The following PRRG4 variants were observed in gnomAD, a reference collection of about 807,000 sequenced individuals.
The protein encoded by PRRG4 is proline rich and Gla domain 4.
A neutral mutation model predicts 20.0 loss-of-function variants in PRRG4; 12 were observed. That is an observed-to-expected ratio of 0.60 (90% CI 0.38 to 0.97). The LOEUF (loss-of-function observed/expected upper bound fraction) is 0.97. Among genes scored for constraint, PRRG4 ranks in the 50% least tolerant of loss-of-function variants. The probability of loss-of-function intolerance (pLI) is 0.00; values close to 1 mark genes in which losing one functional copy is unlikely to be tolerated. For synonymous variants in PRRG4, 94 were observed against 96.4 expected, an observed-to-expected ratio of 0.98 and a Z score of 0.15; for missense variants, 199 against 265.1, an observed-to-expected ratio of 0.75 and a Z score of 1.73.
chr11:32,849,340 G>A (rs1038500702), intron 5 of PRRG4, among the ~76,000 whole-genome samples: 3 of 151,824 alleles, frequency 2.0e-5, no homozygotes, highest in Non-Finnish European at 4.4e-5. Context: ...AGCCTGGGTG[G>A]CAGAGCAAGA....
At position 32,856,732 on chromosome 11, in the gene PRRG4, A is replaced by G. The variant is rs1320543792; in HGVS notation, c.*3205A>G. The G allele has an allele frequency of 6.6e-6, 1 of 152,262 alleles. No individual in the cohort carries two copies. Among genetic ancestry groups the G allele is most frequent in the Non-Finnish European group, 1.5e-5 (1 of 68,042 alleles). The allele number at this position is 152,262 out of a possible 1,614,324, so 9.4% of individuals were successfully genotyped here. On this transcript the variant is annotated 3_prime_UTR_variant, in exon 6 of 6. Coordinates refer to ENST00000257836, the MANE Select transcript of PRRG4 (RefSeq NM_024081.6). ...ATTGAAAAGACAAATACACATTTACAAGGTCATACCTTTGGTAGGACAGAC... is the reference window on the plus strand; with the variant it reads ...ATTGAAAAGACAAATACACATTTACGAGGTCATACCTTTGGTAGGACAGAC...
At chr11:32,830,759 T>C in intron 2 of PRRG4, 127 bp downstream of exon 2, 1 of 1,425,254 alleles carries the variant, frequency 7.0e-7, no homozygotes. Context: ...GTTTAATTTG[T>C]GGCATATTTG....
Position 32,840,189 on chromosome 11 carries a change from A to G in PRRG4, c.399A>G (p.Leu133=). Residue 133 remains leucine (L), a synonymous_variant, in exon 5 of 6, where the codon TTA becomes TTG. Coordinates refer to ENST00000257836, the MANE Select transcript of PRRG4 (RefSeq NM_024081.6). This position sits in a 1 kb window ranked among gnomAD's most constrained non-coding sequence, Gnocchi z 4.1. ...AAGVFLVIFG[L]LGYYLCITKC... The stretch of plus-strand genomic sequence containing the variant: ...GAGTATTTTTGGTTATTTTTGGATT[A>G]CTTGGCTACTATCTTTGTATCACTA... 1 of 1,608,112 alleles carries G rather than the reference A, an allele frequency of 6.2e-7. No individual in the cohort carries two copies. Among genetic ancestry groups the G allele is most frequent in the Non-Finnish European group, 8.5e-7 (1 of 1,174,952 alleles).
chr11:32,844,563 T>C (rs1851110404), intron 5 of PRRG4, among the ~76,000 whole-genome samples: 1 of 151,636 alleles, frequency 6.6e-6, no homozygotes, highest in Non-Finnish European at 1.5e-5. Context: ...TACAGTGGCA[T>C]GATCTCGGCT....
chr11:32,835,223 T>C (rs574240770), intron 2 of PRRG4, among the ~76,000 whole-genome samples: 2 of 152,338 alleles, frequency 1.3e-5, no homozygotes, highest in East Asian at 3.9e-4. Context: ...GGAAAAAATA[T>C]CTTGGACAAA....
intron 5 of PRRG4, among the ~76,000 whole-genome samples, chr11:32,850,294 T>C (rs1851170390): frequency 6.6e-6 from 1 of 152,206 alleles, no homozygotes; most frequent in Admixed American, 6.5e-5. Flanking sequence ...TTTACCTTTT[T>C]TTTCCCCTGA....
At chr11:32,829,800 C>A, upstream of PRRG4, 1 of 985,418 alleles carries the variant, frequency 1.0e-6, no homozygotes, top group Non-Finnish European at 1.2e-6. Flanking sequence ...GAAGCTGGGG[C>A]GGCTGAGAGC....
chr11:32,845,884 C>T lies in PRRG4; in HGVS notation c.449+5645C>T, dbSNP rs546143445. ...AATAATTGTAAGCCAAGGCCAGGCA[C>T]GGTGGCTCATGCCTGTAGTCCCAGC... On this transcript the variant is annotated intron_variant, in intron 5 of 5. Transcript: ENST00000257836. Among the ~76,000 whole-genome samples the T allele has an allele frequency of 2.2e-4, 33 of 151,680 alleles. No individual in the cohort carries two copies. The South Asian group carries it at 2.9e-3, about 13-fold the overall frequency.
chr11:32,836,423 T>C (rs1293234902), intron 2 of PRRG4, among the ~76,000 whole-genome samples: 1 of 152,180 alleles, frequency 6.6e-6, no homozygotes, highest in East Asian at 1.9e-4. Flanking sequence ...ATACTATTAA[T>C]TTTGGACATA....
At chr11:32,844,749 C>T (rs1851112723) in intron 5 of PRRG4, among the ~76,000 whole-genome samples, 1 of 152,070 alleles carries the variant, frequency 6.6e-6, no homozygotes, top group Non-Finnish European at 1.5e-5. Context: ...AATCCTCGTG[C>T]CTTGGCCTCC....
chr11:32,834,973 C>A lies in PRRG4; in HGVS notation c.104-1685C>A, dbSNP rs557570559. Among the ~76,000 whole-genome samples the A allele has an allele frequency of 2.0e-5, 3 of 152,076 alleles. No individual in the cohort carries two copies. In the East Asian group the frequency reaches 5.8e-4, roughly 29 times the overall value. On this transcript the variant is annotated intron_variant, in intron 2 of 5. Transcript: ENST00000257836. ...GAACTACAGGCGTGCACCACCACAC[C>A]GGGCTAATTTTTGTATTTTTTGTAG...
intron 5 of PRRG4, among the ~76,000 whole-genome samples, chr11:32,843,340 T>C (rs1851097050): frequency 6.6e-6 from 1 of 152,030 alleles, no homozygotes. Context: ...AGGTATAATA[T>C]AAAAAATGAA....
At chr11:32,837,423 T>C (rs1185510886) in intron 3 of PRRG4, among the ~76,000 whole-genome samples, 1 of 151,904 alleles carries the variant, frequency 6.6e-6, no homozygotes, top group Non-Finnish European at 1.5e-5. Context: ...TATAACTAAA[T>C]TCTGTTAATC....
At chr11:32,837,538 G>GATT (rs1248282601) in intron 3 of PRRG4, among the ~76,000 whole-genome samples, 2,287 of 90,590 alleles carry the variant, frequency 0.025, 25 homozygotes, top group East Asian at 0.091. Context: ...TGATGATGAT[G>GATT]ATGATTATTA....
At chr11:32,830,726 T>C (rs1330434290) in intron 2 of PRRG4, 94 bp downstream of exon 2, 3 of 1,571,420 alleles carry the variant, frequency 1.9e-6, no homozygotes, top group East Asian at 2.2e-5. Context: ...CCAGCAATCA[T>C]AGAAACACTA....
rs760037082 is a variant in PRRG4, at chr11:32,830,523, C to A, written c.-7C>A. Reference sequence around the variant, plus strand: ...TTTGTTTTAGTTTGTTTGACAGTTGCCAGACTATGTTTACGCTTCTGGTTC... The same window carrying A: ...TTTGTTTTAGTTTGTTTGACAGTTGACAGACTATGTTTACGCTTCTGGTTC... On this transcript the variant is annotated 5_prime_UTR_variant, in exon 2 of 6. Transcript: ENST00000257836. 6.5e-7 allele frequency: 1 copy of A among 1,542,746 alleles called. No homozygotes were observed. The highest frequency in any genetic ancestry group is 1.2e-5 in the South Asian group (1 of 80,828).
chr11:32,844,512 T>C (rs529815872), intron 5 of PRRG4, among the ~76,000 whole-genome samples: 2,510 of 84,142 alleles, frequency 0.03, 68 homozygotes, highest in African/African-American at 0.091. Context: ...ATTATTATTA[T>C]TATTTTGAGA....
chr11:32,848,389 A>C (rs1418828528), intron 5 of PRRG4, among the ~76,000 whole-genome samples: 1 of 152,106 alleles, frequency 6.6e-6, no homozygotes, highest in Non-Finnish European at 1.5e-5. Context: ...CGGGGCAAAA[A>C]CATTCAAATC....
chr11:32,842,279 G>C (rs567258868), intron 5 of PRRG4, among the ~76,000 whole-genome samples: 1 of 152,182 alleles, frequency 6.6e-6, no homozygotes, highest in South Asian at 2.1e-4. Context: ...ATTTTTTTAA[G>C]ATCTTTCCTC....
Sources: gnomAD v4.1 joint callset for allele counts (sites outside exome capture counted in the v4.1 genomes callset) on GRCh38, gnomAD v4.1.1 for gene constraint, Gnocchi (gnomAD v3.1) non-coding constraint, MANE v1.5 for transcripts, NCBI Gene and HGNC (gene_info 2026-07-23, HGNC 2026-07-21) for gene names.